The following NRAP variants were observed in gnomAD, a reference collection of about 807,000 sequenced individuals.
NRAP encodes the protein nebulin-related-anchoring protein.
Under a neutral mutation model 225.9 loss-of-function variants are expected in NRAP, and 189 were observed. That is an observed-to-expected ratio of 0.84 (90% CI 0.74 to 0.94). The LOEUF (loss-of-function observed/expected upper bound fraction) is 0.94, where lower values mean the gene tolerates loss of function less well. Ranked by LOEUF, NRAP falls within the 40% of genes least tolerant of loss-of-function variation. The probability of loss-of-function intolerance (pLI) is 0.00; values close to 1 mark genes in which losing one functional copy is unlikely to be tolerated. For synonymous variants in NRAP, 769 were observed against 790.7 expected, an observed-to-expected ratio of 0.97 and a Z score of 0.46; for missense variants, 2,176 against 2,168.7, an observed-to-expected ratio of 1.00 and a Z score of -0.07.
At chr10:113,648,437 TTCTCTCTC>T (rs376144953) in intron 9 of NRAP, among the ~76,000 whole-genome samples, 728 of 66,058 alleles carry the variant, frequency 0.011, 15 homozygotes, top group African/African-American at 0.034. Context: ...TTATTTTAGT[TTCTCTCTC>T]TCTCTCTCTC....
At chr10:113,659,278 G>A (rs1470068811) in intron 3 of NRAP, among the ~76,000 whole-genome samples, 1 of 152,132 alleles carries the variant, frequency 6.6e-6, no homozygotes, top group East Asian at 1.9e-4. Flanking sequence ...ATAGCAAGAT[G>A]TTTAAGAGCA....
rs559101405 is a variant in NRAP, at chr10:113,616,500, G to A, written c.2974-684C>T. Among the ~76,000 whole-genome samples, 4 of 152,276 alleles carry A rather than the reference G, an allele frequency of 2.6e-5. No homozygotes were observed. In the South Asian group the frequency reaches 6.2e-4, roughly 24 times the overall value. Reference sequence around the variant, plus strand: ...AGGTATTGTTTTTCTTCATACAAAAGTTCTTGTTTGACCATCTGTGTTTCT... The same window carrying A: ...AGGTATTGTTTTTCTTCATACAAAAATTCTTGTTTGACCATCTGTGTTTCT... On this transcript the variant is annotated intron_variant, in intron 26 of 41. Coordinates refer to ENST00000359988, the MANE Select transcript of NRAP (RefSeq NM_198060.4).
intron 18 of NRAP, among the ~76,000 whole-genome samples, chr10:113,631,197 C>T (rs375970772): frequency 6.6e-6 from 1 of 152,176 alleles, no homozygotes; most frequent in Non-Finnish European, 1.5e-5. Context: ...GCCCCAGGGT[C>T]TCGACCAGTG....
chr10:113,617,527 A>C lies in NRAP; in HGVS notation c.2901T>G (p.Ala967=). 6.2e-7 allele frequency: 1 copy of C among 1,612,080 alleles called. No individual in the cohort carries two copies. The highest frequency in any genetic ancestry group is 8.5e-7 in the Non-Finnish European group (1 of 1,178,206). The change falls in exon 26 of 42, where the codon GCT becomes GCG. Residue 967 remains alanine (A), a synonymous_variant. Coordinates refer to ENST00000359988, the MANE Select transcript of NRAP (RefSeq NM_198060.4). The part of the protein sequence containing the change: ...SEKKYRQHPD[A]LKFTSIKDTP... ...TGTCTTTAATACTGGTAAACTTCAA[A>C]GCATCTGGATGCTGACGGTACTTCT...
chr10:113,612,254 C>T lies in NRAP; in HGVS notation c.3478G>A (p.Ala1160Thr). The change falls in exon 30 of 42, where the codon GCT becomes ACT. Residue 1160 changes from alanine to threonine, a missense_variant. Ala to Thr is a moderately conservative substitution (Grantham distance 58, BLOSUM62 0). Transcript: ENST00000359988. ...CTTACCTCACTCTGCAATTTGTGAG[C>T]TTTCTTGGCACAGCTCAGCCTCAGG... is the stretch of plus-strand genomic sequence containing the variant. ...EDLRLSCAKK[A>T]HKLQSENLYR... 1 of 1,614,118 alleles carries T rather than the reference C, an allele frequency of 6.2e-7. No homozygotes were observed. Among genetic ancestry groups the T allele is most frequent in the South Asian group, 1.1e-5 (1 of 91,080 alleles).
chr10:113,614,209 CT>C lies in NRAP; in HGVS notation c.3273del (p.Val1092CysfsTer10). The C allele has an allele frequency of 6.2e-7, 1 of 1,613,898 alleles. No homozygotes were observed. The highest frequency in any genetic ancestry group is 8.5e-7 in the Non-Finnish European group (1 of 1,179,742). On this transcript the variant is annotated frameshift_variant, in exon 29 of 42. Coordinates refer to ENST00000359988, the MANE Select transcript of NRAP (RefSeq NM_198060.4). LOFTEE classifies it high-confidence loss of function. ...SLEDDISLAH[S>X]VYATSLQSDV... ...TCACTCTGCAGTGAGGTCGCATACACTGAATGTGCAAGGCTGATATCATCTT... is the reference window on the plus strand; with the variant it reads ...TCACTCTGCAGTGAGGTCGCATACACGAATGTGCAAGGCTGATATCATCTT...
intron 13 of NRAP, 56 bp from the exon 14 acceptor site, chr10:113,640,387 C>T (rs182731419): frequency 1.3e-5 from 14 of 1,062,300 alleles, no homozygotes; most frequent in Non-Finnish European, 1.8e-5. Context: ...TTTCTTTTGG[C>T]TTTGTTTGAA....
chr10:113,637,441 G>C (rs905613021), intron 14 of NRAP, among the ~76,000 whole-genome samples: 2 of 152,226 alleles, frequency 1.3e-5, no homozygotes, highest in Non-Finnish European at 1.5e-5. Context: ...AGTGTGCTTA[G>C]AGCGATTATT....
intron 35 of NRAP, among the ~76,000 whole-genome samples, chr10:113,603,701 G>A (rs1394146515): frequency 2.0e-5 from 3 of 152,124 alleles, no homozygotes; most frequent in Non-Finnish European, 4.4e-5. Flanking sequence ...GGCCAAGGCT[G>A]CTCCTTCACT....
chr10:113,603,876 A>T (rs1218693944), intron 35 of NRAP, among the ~76,000 whole-genome samples: 3 of 152,192 alleles, frequency 2.0e-5, no homozygotes, highest in African/African-American at 7.2e-5. Flanking sequence ...TTTAAATGGC[A>T]CACGTGTACG....
At chr10:113,635,814 A>G (rs139775033) in intron 14 of NRAP, among the ~76,000 whole-genome samples, 30 of 152,304 alleles carry the variant, frequency 2.0e-4, no homozygotes, top group African/African-American at 4.1e-4. Flanking sequence ...TCCTTCCCTT[A>G]TGCTCACCTG....
intron 25 of NRAP, among the ~76,000 whole-genome samples, chr10:113,620,204 A>C (rs1311599522): frequency 1.3e-5 from 2 of 152,166 alleles, no homozygotes; most frequent in African/African-American, 2.4e-5. Flanking sequence ...CCACCACGTG[A>C]ATATTCAAAA....
intron 32 of NRAP, among the ~76,000 whole-genome samples, chr10:113,607,620 C>T (rs1315360690): frequency 2.0e-5 from 3 of 152,108 alleles, no homozygotes; most frequent in South Asian, 2.1e-4. Flanking sequence ...TGAATTCCAT[C>T]CTTAAGCCCA....
chr10:113,604,358 G>A lies in NRAP; in HGVS notation c.4227+251C>T, dbSNP rs111856285. On this transcript the variant is annotated intron_variant, in intron 35 of 41. Coordinates refer to ENST00000359988, the MANE Select transcript of NRAP (RefSeq NM_198060.4). The stretch of plus-strand genomic sequence containing the variant: ...TCTCAAACTCCTGACCTCGTGATCC[G>A]CCTGGCTCAGCCTCCCAAAGTGTTG... 2.6e-3 allele frequency among the ~76,000 whole-genome samples: 403 copies of A among 152,214 alleles called. 1 individual carries two copies. The highest frequency in any genetic ancestry group is 9.2e-3 in the African/African-American group (382 of 41,526).
In NRAP at chr10:113,653,057, T is replaced by C; in HGVS notation, c.466-18A>G. 2.1e-6 allele frequency: 3 copies of C among 1,423,662 alleles called. No individual in the cohort carries two copies. The highest frequency in any genetic ancestry group is 2.9e-6 in the Non-Finnish European group (3 of 1,030,474). 88.2% of individuals were successfully genotyped at this position (1,423,662 alleles called of 1,614,324 possible). On this transcript the variant is annotated intron_variant, in intron 5 of 41. Coordinates refer to ENST00000359988, the MANE Select transcript of NRAP (RefSeq NM_198060.4). ...GTATATTCCTGTTGGTCAGAACCAATGTCAGCATGAGAACTGAGATGATAT... is the reference window on the plus strand; with the variant it reads ...GTATATTCCTGTTGGTCAGAACCAACGTCAGCATGAGAACTGAGATGATAT...
intron 3 of NRAP, among the ~76,000 whole-genome samples, chr10:113,660,688 C>G (rs3127120): frequency 0.16 from 24,268 of 152,168 alleles, 2,558 homozygotes; most frequent in Admixed American, 0.3. Context: ...TAAATGCAAA[C>G]AGCATTCTGA....
In NRAP at chr10:113,646,910, A is replaced by G. The variant is rs1404581635; in HGVS notation, c.993+13T>C. 6.3e-7 allele frequency: 1 copy of G among 1,579,542 alleles called. No homozygotes were observed. Among genetic ancestry groups the G allele is most frequent in the African/African-American group, 1.3e-5 (1 of 74,282 alleles). ...TGCCTCTGGCTCTGTGGTCACACCT[A>G]CATGGTACTTACGTCACTAGCGAGT... On this transcript the variant is annotated intron_variant, in intron 10 of 41. Transcript: ENST00000359988.
At chr10:113,614,432 T>A (rs1389575253) in intron 28 of NRAP, 136 bp from the exon 29 acceptor site, 4 of 662,108 alleles carry the variant, frequency 6.0e-6, no homozygotes, top group Non-Finnish European at 1.1e-5. Context: ...GCGGGAGTCG[T>A]CAAAAGGGCT....
At chr10:113,642,697 C>T (rs982957826) in intron 12 of NRAP, among the ~76,000 whole-genome samples, 4 of 152,156 alleles carry the variant, frequency 2.6e-5, no homozygotes, top group East Asian at 3.9e-4. Flanking sequence ...AGCAAGGGGA[C>T]GGAGAGGACA....
Sources: gnomAD v4.1 joint callset for allele counts (sites outside exome capture counted in the v4.1 genomes callset) on GRCh38, gnomAD v4.1.1 for gene constraint, MANE v1.5 for transcripts, NCBI Gene and HGNC (gene_info 2026-07-23, HGNC 2026-07-21) for gene names.